BBS9: variants seen among roughly 807,000 people sequenced by gnomAD.
BBS9 encodes Bardet-Biedl syndrome 9.
A neutral mutation model predicts 117.7 loss-of-function variants in BBS9; 89 were observed. That is an observed-to-expected ratio of 0.76 (90% CI 0.64 to 0.90). The LOEUF is 0.90. Among genes scored for constraint, BBS9 ranks in the 40% least tolerant of loss-of-function variants. BBS9 has a pLI of 0.00. For synonymous variants in BBS9, 379 were observed against 370.9 expected (o/e 1.02, Z -0.25); for missense variants, 982 against 1,042.2 (o/e 0.94, Z 0.80).
intron 7 of BBS9, among the ~76,000 whole-genome samples, chr7:33,271,464 A>G (rs1344268794): frequency 6.6e-6 from 1 of 152,234 alleles, no homozygotes; most frequent in Admixed American, 6.5e-5. Context: ...GCTGCCTTCA[A>G]GAGACCCATC....
At chr7:33,206,967 T>G (rs1199017452) in intron 5 of BBS9, among the ~76,000 whole-genome samples, 1 of 152,186 alleles carries the variant, frequency 6.6e-6, no homozygotes, top group Non-Finnish European at 1.5e-5. Context: ...CCCATACCAT[T>G]AAATTTTTTT....
rs574050777 is a variant in BBS9 at position 33,212,862 on chromosome 7, G to A, written c.442+35271G>A. Among the ~76,000 whole-genome samples the A allele has an allele frequency of 4.3e-4, 65 of 152,236 alleles. 1 individual carries two copies. The South Asian group carries it at 0.013, about 30-fold the overall frequency. ...TTCCCTTACTTTCTCTCAATTGAAC[G>A]TAGTCTCTCTCTCTCTGTGCTGAGC... On this transcript the variant is annotated intron_variant, in intron 5 of 22. Coordinates refer to ENST00000242067, the MANE Select transcript of BBS9 (RefSeq NM_198428.3).
At chr7:33,391,473 G>A (rs1422771498) in intron 19 of BBS9, among the ~76,000 whole-genome samples, 1 of 152,070 alleles carries the variant, frequency 6.6e-6, no homozygotes, top group African/African-American at 2.4e-5. Flanking sequence ...CAGGTATGTT[G>A]TACCAGATTG....
intron 6 of BBS9, among the ~76,000 whole-genome samples, chr7:33,264,039 T>C (rs1798394953): frequency 6.6e-6 from 1 of 152,094 alleles, no homozygotes; most frequent in East Asian, 1.9e-4. Context: ...AGTGCTTTAA[T>C]AGTTGGTAGA....
At chr7:33,290,979 GT>G (rs1803934972) in intron 9 of BBS9, among the ~76,000 whole-genome samples, 1 of 152,076 alleles carries the variant, frequency 6.6e-6, no homozygotes, top group Non-Finnish European at 1.5e-5. Context: ...GCTAATTTCA[GT>G]TCAGTAAATA....
intron 19 of BBS9, among the ~76,000 whole-genome samples, chr7:33,441,323 CAATCTTTCA>C (rs1393862365): frequency 2.2e-4 from 34 of 151,778 alleles, no homozygotes; most frequent in African/African-American, 7.0e-4. Flanking sequence ...AAAGGTCTTT[CAATCTTTCA>C]AATCTTGGAA....
intron 9 of BBS9, among the ~76,000 whole-genome samples, chr7:33,276,575 A>G (rs960208105): frequency 2.0e-5 from 3 of 152,208 alleles, no homozygotes; most frequent in African/African-American, 7.2e-5. Context: ...AAGTTGGAAT[A>G]GTAGCTGGTG....
intron 4 of BBS9, among the ~76,000 whole-genome samples, chr7:33,171,211 A>G (rs1160263902): frequency 6.6e-6 from 1 of 152,138 alleles, no homozygotes. Context: ...CTATACTACA[A>G]GGCTACAGTA....
At chr7:33,566,002 G>T (rs892372935) in intron 21 of BBS9, among the ~76,000 whole-genome samples, 1 of 150,730 alleles carries the variant, frequency 6.6e-6, no homozygotes, top group East Asian at 1.9e-4. Flanking sequence ...GAAAAAAAAT[G>T]TAAGGAGTGT....
intron 5 of BBS9, among the ~76,000 whole-genome samples, chr7:33,188,971 T>A (rs1783600718): frequency 6.6e-6 from 1 of 152,178 alleles, no homozygotes; most frequent in Non-Finnish European, 1.5e-5. Flanking sequence ...CTTTCATAGA[T>A]AGTATTTTGC....
chr7:33,352,073 C>G (rs1390642702), intron 14 of BBS9: 1 of 152,764 alleles, frequency 6.5e-6, no homozygotes, highest in Non-Finnish European at 1.5e-5. Context: ...TGGGACCTTT[C>G]CGTATTTGCT....
rs543243529 is a variant in BBS9 at position 33,622,741 on chromosome 7, T to G, written c.2522-12436T>G. ...GTATGGAATTAATGTAGGGATATAC[T>G]AATAGACCAATGCATCATAATAATG... On this transcript the variant is annotated intron_variant, in intron 21 of 21. Coordinates refer to the BBS9 transcript ENST00000671952. 4.5e-4 allele frequency among the ~76,000 whole-genome samples: 69 copies of G among 152,306 alleles called. No homozygotes were observed. The South Asian group carries it at 6.0e-3, about 13-fold the overall frequency.
intron 5 of BBS9, among the ~76,000 whole-genome samples, chr7:33,235,745 G>A (rs80074222): frequency 0.012 from 1,796 of 152,266 alleles, 44 homozygotes; most frequent in African/African-American, 0.041. Flanking sequence ...CAAAGTCACT[G>A]AGGTAGTGGA....
chr7:33,141,518 C>G (rs1347877600), intron 1 of BBS9, among the ~76,000 whole-genome samples: 1 of 152,134 alleles, frequency 6.6e-6, no homozygotes, highest in East Asian at 1.9e-4. Context: ...CAGGCATGGA[C>G]CACTATGCCC....
Position 33,172,429 on chromosome 7 carries a change from C to T in BBS9, c.329-5049C>T, listed in dbSNP as rs1413808134. 5.9e-5 allele frequency among the ~76,000 whole-genome samples: 9 copies of T among 151,862 alleles called. No individual in the cohort carries two copies. The East Asian group carries it at 1.7e-3, about 29-fold the overall frequency. On this transcript the variant is annotated intron_variant, in intron 4 of 22. Transcript: ENST00000242067. The stretch of plus-strand genomic sequence containing the variant: ...AAATGAAAAGAACACGACTCTAGAC[C>T]TCGTCATGTCCACCTATGCAGACCC...
intron 4 of BBS9, among the ~76,000 whole-genome samples, chr7:33,164,874 A>G (rs1252448905): frequency 1.3e-5 from 2 of 152,044 alleles, no homozygotes; most frequent in Admixed American, 1.3e-4. Context: ...TGTCATTATG[A>G]TGTTAGCTGG....
rs1054890678 is a variant in BBS9, at chr7:33,303,588, G to A, written c.1016+29632G>A. On this transcript the variant is annotated intron_variant, in intron 9 of 22. Coordinates refer to ENST00000242067, the MANE Select transcript of BBS9 (RefSeq NM_198428.3). ...GGCTGGACTGTACTGCCGTGATCTC[G>A]GCTCGCTGCAACCTCCCTGCCTCGG... Among the ~76,000 whole-genome samples the A allele has an allele frequency of 3.0e-5, 4 of 132,974 alleles. No individual in the cohort carries two copies. In the South Asian group the frequency reaches 6.8e-4, roughly 23 times the overall value. The allele number at this position is 132,974 out of a possible 152,430, so 87.2% of individuals were successfully genotyped here. A position where few individuals can be genotyped will look rare whatever the true frequency, so the allele number is the denominator to read the frequency against.
chr7:33,209,961 C>T (rs578047152), intron 5 of BBS9, among the ~76,000 whole-genome samples: 6 of 152,100 alleles, frequency 3.9e-5, no homozygotes, highest in Admixed American at 1.3e-4. Flanking sequence ...TTGCTTTTCT[C>T]GCACTTTAAG....
chr7:33,439,205 CATGGCCCTGCTAT>C (rs1835763705), intron 19 of BBS9, among the ~76,000 whole-genome samples: 1 of 152,182 alleles, frequency 6.6e-6, no homozygotes, highest in Non-Finnish European at 1.5e-5. Flanking sequence ...CTGCTGCTCA[CATGGCCCTGCTAT>C]TCCTATATTT....
Sources: allele counts gnomAD v4.1 joint callset (sites outside exome capture counted in the v4.1 genomes callset), GRCh38; gene constraint gnomAD v4.1.1; transcripts MANE v1.5; gene names NCBI Gene and HGNC (gene_info 2026-07-23, HGNC 2026-07-21).